The following ENOX1 variants were observed in gnomAD, a reference collection of about 807,000 sequenced individuals.
The protein encoded by ENOX1 is ecto-NOX disulfide-thiol exchanger 1, also known as candidate growth-related and time keeping constitutive hydroquinone (NADH) oxidase.
ENOX1 carries 42 observed loss-of-function variants against 82.5 expected under a neutral mutation model. The observed-to-expected ratio is 0.51, with a 90% CI of 0.40 to 0.66. The LOEUF is 0.66. Among genes scored for constraint, ENOX1 ranks in the 30% least tolerant of loss-of-function variants. ENOX1 has a pLI of 0.00. For missense variants in ENOX1, 608 were observed against 811.6 expected, an observed-to-expected ratio of 0.75 and a Z score of 3.05; for synonymous variants, 271 against 282.2, an observed-to-expected ratio of 0.96 and a Z score of 0.40.
intron 3 of ENOX1, among the ~76,000 whole-genome samples, chr13:43,413,741 A>C (rs2054283999): frequency 6.9e-6 from 1 of 144,266 alleles, no homozygotes; most frequent in Non-Finnish European, 1.6e-5. Flanking sequence ...ATTTATATAT[A>C]GTCTTTTAAT....
At chr13:43,217,257 C>T (rs1488589547) in intron 16 of ENOX1, among the ~76,000 whole-genome samples, 1 of 152,198 alleles carries the variant, frequency 6.6e-6, no homozygotes, top group Non-Finnish European at 1.5e-5. Flanking sequence ...GTGATGAATA[C>T]TATTAGAGTG....
intron 5 of ENOX1, among the ~76,000 whole-genome samples, chr13:43,393,337 A>G (rs2052918149): frequency 6.6e-6 from 1 of 152,216 alleles, no homozygotes; most frequent in South Asian, 2.1e-4. Context: ...TTCAAATTGG[A>G]AAGAAAGTGG....
At chr13:43,577,679 A>C (rs1279908428) in intron 2 of ENOX1, among the ~76,000 whole-genome samples, 1 of 152,210 alleles carries the variant, frequency 6.6e-6, no homozygotes, top group African/African-American at 2.4e-5. Flanking sequence ...CCACTTCACA[A>C]TACTACTGCT....
intron 2 of ENOX1, among the ~76,000 whole-genome samples, chr13:43,612,014 C>T (rs919478396): frequency 2.0e-5 from 3 of 152,200 alleles, no homozygotes; most frequent in African/African-American, 7.2e-5. Context: ...TCATATCCAA[C>T]CAATTGCTGT....
At chr13:43,616,880 A>AT (rs1322766319) in intron 2 of ENOX1, among the ~76,000 whole-genome samples, 4 of 152,144 alleles carry the variant, frequency 2.6e-5, no homozygotes, top group African/African-American at 9.7e-5. Flanking sequence ...TTTGAAACTC[A>AT]TATCTACTTA....
chr13:43,470,378 A>ATATATGTG (rs2058005026), intron 3 of ENOX1, among the ~76,000 whole-genome samples: 1 of 35,724 alleles, frequency 2.8e-5, no homozygotes, highest in South Asian at 7.1e-4. Flanking sequence ...ATATATATAC[A>ATATATGTG]TATATATACG....
chr13:43,655,837 T>G (rs1286189663), intron 2 of ENOX1, among the ~76,000 whole-genome samples: 1 of 152,168 alleles, frequency 6.6e-6, no homozygotes, highest in East Asian at 1.9e-4. Context: ...TCTGGAAAAG[T>G]TCAAGAGCTG....
chr13:43,278,575 A>G (rs896244790), intron 12 of ENOX1, among the ~76,000 whole-genome samples: 1 of 152,188 alleles, frequency 6.6e-6, no homozygotes, highest in African/African-American at 2.4e-5. Flanking sequence ...ACGTTTCAGT[A>G]TTTTTAAAAT....
Position 43,412,315 on chromosome 13 carries a change from G to A in ENOX1, c.71-262C>T, listed in dbSNP as rs184429543. 2.3e-4 allele frequency among the ~76,000 whole-genome samples: 35 copies of A among 152,234 alleles called. 1 individual carries two copies. Among genetic ancestry groups the A allele is most frequent in the Admixed American group, 9.8e-4 (15 of 15,282 alleles). ...AAGGAGGTACCCCTGGAAAAAAATC[G>A]AAGAATTGTTTCCTTCTCCCAGTGA... On this transcript the variant is annotated intron_variant, in intron 4 of 16. Transcript: ENST00000690772.
At chr13:43,306,360 A>G (rs2046862232) in intron 11 of ENOX1, among the ~76,000 whole-genome samples, 1 of 152,054 alleles carries the variant, frequency 6.6e-6, no homozygotes, top group Non-Finnish European at 1.5e-5. Context: ...ATTCGATTTT[A>G]GTTTTCTTTT....
intron 2 of ENOX1, among the ~76,000 whole-genome samples, chr13:43,627,953 T>C (rs7329934): frequency 0.036 from 5,419 of 152,190 alleles, 300 homozygotes; most frequent in African/African-American, 0.12. Flanking sequence ...CTGGGTTTCA[T>C]TGTTTCTCAG....
chr13:43,556,148 T>A (rs2079426441), intron 2 of ENOX1, among the ~76,000 whole-genome samples: 1 of 152,120 alleles, frequency 6.6e-6, no homozygotes, highest in Non-Finnish European at 1.5e-5. Context: ...GTATTTTTTC[T>A]AAATCTTTAA....
In ENOX1 at chr13:43,326,454, G is replaced by T; in HGVS notation, c.1108C>A (p.Arg370Ser). The change falls in exon 10 of 17, where the codon CGC becomes AGC. Residue 370 changes from arginine to serine, a missense_variant. By Grantham distance (110) the Arg-to-Ser change is moderately radical. Transcript: ENST00000690772. ...TTTCGCCAAATGTCTATGTTCTTGCGCTGGGCTTTCGAGAAATGGTCCCAA... is the reference window on the plus strand; with the variant it reads ...TTTCGCCAAATGTCTATGTTCTTGCTCTGGGCTTTCGAGAAATGGTCCCAA... ...KAWDHFSKAQRKNIDIWRKHS... is the reference protein window; with the variant it reads ...KAWDHFSKAQSKNIDIWRKHS... The T allele has an allele frequency of 6.2e-7, 1 of 1,614,134 alleles. No individual in the cohort carries two copies. Among genetic ancestry groups the T allele is most frequent in the Non-Finnish European group, 8.5e-7 (1 of 1,179,992 alleles).
At position 43,736,534 on chromosome 13, in the gene ENOX1, G is replaced by GGTC. The variant is rs1566853281; in HGVS notation, c.-285+50115_-285+50117dup. 4.6e-5 allele frequency among the ~76,000 whole-genome samples: 7 copies of GGTC among 152,168 alleles called. No homozygotes were observed. The South Asian group carries it at 1.4e-3, about 32-fold the overall frequency. The stretch of plus-strand genomic sequence containing the variant: ...AGGTGAGCAAGCTGTCTGTCAAAAT[G>GGTC]GTCATAAGATAGGATCCTGTGCTAA... On this transcript the variant is annotated intron_variant, in intron 1 of 16. Transcript: ENST00000690772.
In ENOX1 at chr13:43,470,365, C is replaced by CATATATAT. The variant is rs1566307651; in HGVS notation, c.-75+13643_-75+13644insATATATAT. 1.8e-4 allele frequency among the ~76,000 whole-genome samples: 5 copies of CATATATAT among 27,368 alleles called. No individual in the cohort carries two copies. In the South Asian group the frequency reaches 5.8e-3, roughly 32 times the overall value. 18.0% of individuals were successfully genotyped at this position (27,368 alleles called of 152,430 possible). On this transcript the variant is annotated intron_variant, in intron 3 of 16. Coordinates refer to ENST00000690772, the MANE Select transcript of ENOX1 (RefSeq NM_001347969.2). ...ACGTATATATATATGTATATATATACGTATATATATACATATATATACGTA... is the reference window on the plus strand; with the variant it reads ...ACGTATATATATATGTATATATATACATATATATGTATATATATACATATATATACGTA...
chr13:43,706,258 C>A (rs1421477228), intron 1 of ENOX1, among the ~76,000 whole-genome samples: 3 of 150,762 alleles, frequency 2.0e-5, no homozygotes, highest in Admixed American at 2.0e-4. Flanking sequence ...TAAATTAATA[C>A]AAAGTAATTA....
At chr13:43,471,990 C>A (rs2058089452) in intron 3 of ENOX1, among the ~76,000 whole-genome samples, 1 of 150,860 alleles carries the variant, frequency 6.6e-6, no homozygotes, top group Non-Finnish European at 1.5e-5. Context: ...TAAAAAAATT[C>A]TTTAAAACTA....
At chr13:43,670,383 C>T (rs1048631827) in intron 1 of ENOX1, among the ~76,000 whole-genome samples, 4 of 152,048 alleles carry the variant, frequency 2.6e-5, no homozygotes, top group African/African-American at 2.4e-5. Flanking sequence ...GAACTATGAA[C>T]GAAACTTTGT....
chr13:43,609,955 A>G, intron 2 of ENOX1: 1 of 963,562 alleles, frequency 1.0e-6, no homozygotes. Context: ...CTTTGGTTCC[A>G]AACATTTTTA....
Sources: gnomAD v4.1 joint callset for allele counts (sites outside exome capture counted in the v4.1 genomes callset) on GRCh38, gnomAD v4.1.1 for gene constraint, MANE v1.5 for transcripts, NCBI Gene and HGNC (gene_info 2026-07-23, HGNC 2026-07-21) for gene names.